Variants in SH3RF1 observed in about 807,000 individuals in gnomAD.
The protein encoded by SH3RF1 is E3 ubiquitin-protein ligase SH3RF1.
In SH3RF1, 32 loss-of-function variants were observed where a neutral mutation model predicts 74.0. That is an observed-to-expected ratio of 0.43 (90% CI 0.33 to 0.58). The LOEUF (loss-of-function observed/expected upper bound fraction) is 0.58, where lower values mean the gene tolerates loss of function less well. Among genes scored for constraint, SH3RF1 ranks in the 20% least tolerant of loss-of-function variants. The pLI, the probability that SH3RF1 is intolerant of heterozygous loss-of-function variation, is 0.05. For synonymous variants in SH3RF1, 396 were observed against 439.6 expected, an observed-to-expected ratio of 0.90 and a Z score of 1.24; for missense variants, 954 against 1,130.9, an observed-to-expected ratio of 0.84 and a Z score of 2.24.
At chr4:169,100,880 C>T (rs1167724749) in intron 11 of SH3RF1, among the ~76,000 whole-genome samples, 1 of 152,180 alleles carries the variant, frequency 6.6e-6, no homozygotes, top group Non-Finnish European at 1.5e-5. Context: ...CCCCACGCCA[C>T]ACCTTGGCTC....
intron 6 of SH3RF1, among the ~76,000 whole-genome samples, chr4:169,123,187 C>CA (rs1484698579): frequency 6.6e-6 from 1 of 152,114 alleles, no homozygotes; most frequent in Non-Finnish European, 1.5e-5. Context: ...AGCATATTAA[C>CA]AAAATAAAGA....
chr4:169,133,006 T>C (rs879537900), intron 5 of SH3RF1, among the ~76,000 whole-genome samples: 3 of 152,170 alleles, frequency 2.0e-5, no homozygotes, highest in Non-Finnish European at 4.4e-5. Context: ...TCACTAAATA[T>C]AATAGCAAGC....
At chr4:169,180,035 G>T (rs973982338) in intron 2 of SH3RF1, among the ~76,000 whole-genome samples, 6 of 152,120 alleles carry the variant, frequency 3.9e-5, no homozygotes, top group African/African-American at 7.2e-5. Context: ...ATAAACTTTG[G>T]CCACATCCAC....
intron 6 of SH3RF1, among the ~76,000 whole-genome samples, chr4:169,125,776 A>C (rs529528383): frequency 2.8e-4 from 42 of 152,284 alleles, no homozygotes; most frequent in African/African-American, 7.2e-4. Context: ...ACATATCAAC[A>C]TGTCTGAACA....
intron 2 of SH3RF1, among the ~76,000 whole-genome samples, chr4:169,236,370 T>A (rs1161241896): frequency 6.6e-6 from 1 of 152,216 alleles, no homozygotes; most frequent in African/African-American, 2.4e-5. Flanking sequence ...GTGACTCTAA[T>A]GACTATAATG....
intron 2 of SH3RF1, among the ~76,000 whole-genome samples, chr4:169,157,970 C>T (rs1419571984): frequency 6.6e-6 from 1 of 152,122 alleles, no homozygotes; most frequent in Non-Finnish European, 1.5e-5. Flanking sequence ...AACTCCTGAC[C>T]TCAAATGATC....
chr4:169,255,624 C>CAT (rs1731177416), intron 2 of SH3RF1, among the ~76,000 whole-genome samples: 1 of 125,300 alleles, frequency 8.0e-6, no homozygotes, highest in African/African-American at 3.0e-5. Context: ...TACACACATA[C>CAT]ACACACACAC....
Position 169,141,716 on chromosome 4 carries a change from C to T in SH3RF1, c.766-5096G>A, listed in dbSNP as rs898978009. On this transcript the variant is annotated intron_variant, in intron 4 of 11. Coordinates refer to ENST00000284637, the MANE Select transcript of SH3RF1 (RefSeq NM_020870.4). Reference sequence around the variant, plus strand: ...GCAGTGGCACAATCTCAGCTCAGTGCAACCTCTGCCTCCCCGATTCAAGTG... The same window carrying T: ...GCAGTGGCACAATCTCAGCTCAGTGTAACCTCTGCCTCCCCGATTCAAGTG... Among the ~76,000 whole-genome samples, 6 of 151,448 alleles carry T rather than the reference C, an allele frequency of 4.0e-5. No individual in the cohort carries two copies. In the South Asian group the frequency reaches 1.3e-3, roughly 32 times the overall value.
At chr4:169,152,660 C>T (rs1444806844) in intron 4 of SH3RF1, among the ~76,000 whole-genome samples, 1 of 152,138 alleles carries the variant, frequency 6.6e-6, no homozygotes, top group African/African-American at 2.4e-5. Flanking sequence ...TTGCTTGAAC[C>T]CGGAAGGCAG....
intron 2 of SH3RF1, among the ~76,000 whole-genome samples, chr4:169,180,307 C>T (rs1331397729): frequency 1.3e-5 from 2 of 152,114 alleles, no homozygotes; most frequent in Admixed American, 6.5e-5. Flanking sequence ...GCACCCAAAC[C>T]GGAGAGTCTG....
chr4:169,248,841 T>G (rs1258642167), intron 2 of SH3RF1, among the ~76,000 whole-genome samples: 1 of 152,148 alleles, frequency 6.6e-6, no homozygotes, highest in Non-Finnish European at 1.5e-5. Flanking sequence ...CTACTCAACA[T>G]TGTTTTTGGT....
At chr4:169,140,406 C>T (rs112419785) in intron 4 of SH3RF1, among the ~76,000 whole-genome samples, 13 of 152,250 alleles carry the variant, frequency 8.5e-5, no homozygotes, top group African/African-American at 3.1e-4. Flanking sequence ...ATACCTTCTT[C>T]CAAGCATTTG....
chr4:169,148,576 A>G (rs1432395307), intron 4 of SH3RF1, among the ~76,000 whole-genome samples: 1 of 152,258 alleles, frequency 6.6e-6, no homozygotes, highest in Non-Finnish European at 1.5e-5. Context: ...AAATCATTAA[A>G]AATATCCTTT....
chr4:169,270,596 T>C (rs890683887), intron 1 of SH3RF1, among the ~76,000 whole-genome samples: 1 of 152,156 alleles, frequency 6.6e-6, no homozygotes, highest in Non-Finnish European at 1.5e-5. Flanking sequence ...GACCGCGCCA[T>C]CCGGGAAGCA....
intron 2 of SH3RF1, among the ~76,000 whole-genome samples, chr4:169,179,452 T>C (rs1734473548): frequency 6.6e-6 from 1 of 152,194 alleles, no homozygotes. Context: ...TGTAATCTGT[T>C]ACAGCAGCAA....
At chr4:169,209,474 G>T (rs1730322592) in intron 2 of SH3RF1, among the ~76,000 whole-genome samples, 1 of 151,946 alleles carries the variant, frequency 6.6e-6, no homozygotes, top group Admixed American at 6.6e-5. Flanking sequence ...CTATCCTCGT[G>T]GGCTGTAATT....
chr4:169,192,797 T>TATATATATATGATATATATGTG (rs1734745939), intron 2 of SH3RF1, among the ~76,000 whole-genome samples: 2 of 130,690 alleles, frequency 1.5e-5, no homozygotes, highest in Admixed American at 7.1e-5. Flanking sequence ...ATGTTTCTTT[T>TATATATATATGATATATATGTG]ATATATATAT....
intron 2 of SH3RF1, among the ~76,000 whole-genome samples, chr4:169,203,410 G>A (rs1734942499): frequency 1.3e-5 from 2 of 152,028 alleles, no homozygotes; most frequent in South Asian, 4.2e-4. Context: ...AATTAGCCAG[G>A]CACGGTGGTG....
At chr4:169,180,614 G>GT (rs1257049615) in intron 2 of SH3RF1, among the ~76,000 whole-genome samples, 1 of 152,138 alleles carries the variant, frequency 6.6e-6, no homozygotes, top group African/African-American at 2.4e-5. Context: ...CTACCCGCTT[G>GT]TTTTTTGTTT....
Sources: gnomAD v4.1 joint callset for allele counts (sites outside exome capture counted in the v4.1 genomes callset) on GRCh38, gnomAD v4.1.1 for gene constraint, MANE v1.5 for transcripts, NCBI Gene and HGNC (gene_info 2026-07-23, HGNC 2026-07-21) for gene names.